R3HDML: variants seen among roughly 807,000 people sequenced by gnomAD.
The protein encoded by R3HDML is peptidase inhibitor R3HDML.
In R3HDML, 21 loss-of-function variants were observed where a neutral mutation model predicts 24.2. That is an observed-to-expected ratio of 0.87 (90% CI 0.62 to 1.25). The LOEUF is 1.25. R3HDML is among the 50% of genes most tolerant of loss of function. R3HDML has a pLI of 0.00. For missense variants in R3HDML, 301 were observed against 340.3 expected (o/e 0.88, Z 0.91); for synonymous variants, 133 against 131.5 (o/e 1.01, Z -0.08).
intron 4 of R3HDML, 151 bp downstream of exon 4, chr20:44,345,529 C>G (rs986149348): frequency 5.0e-6 from 3 of 599,684 alleles, no homozygotes; most frequent in Non-Finnish European, 8.6e-6. Context: ...TAAGGCCGAG[C>G]ATGGTGGCTC....
chr20:44,348,482 C>CTCCTTTCCTTTCCTT (rs36204291), intron 4 of R3HDML, among the ~76,000 whole-genome samples: 4,887 of 135,166 alleles, frequency 0.036, 119 homozygotes, highest in Middle Eastern at 0.044. Context: ...TTTTCCCTTT[C>CTCCTTTCCTTTCCTT]TCCTTTCCTT....
intron 4 of R3HDML, among the ~76,000 whole-genome samples, chr20:44,349,844 C>T (rs2062803546): frequency 6.6e-6 from 1 of 151,558 alleles, no homozygotes; most frequent in African/African-American, 2.4e-5. Context: ...CCAAGGTGGG[C>T]AGATCACTTG....
intron 4 of R3HDML, among the ~76,000 whole-genome samples, chr20:44,346,872 T>G (rs1199466649): frequency 2.0e-5 from 3 of 152,208 alleles, no homozygotes; most frequent in East Asian, 3.8e-4. Context: ...CCAGGAGCAG[T>G]GTCTTACACC....
rs1485892895 is a variant in R3HDML at position 44,349,942 on chromosome 20, T to G, written c.630-718T>G. On this transcript the variant is annotated intron_variant, in intron 4 of 4. Coordinates refer to ENST00000217043, the MANE Select transcript of R3HDML (RefSeq NM_178491.4). ...AAAATTAGCCAGGTGTGGTGGCACA[T>G]GCCTATAATCCCAGCTACTCAGGAG... Among the ~76,000 whole-genome samples the G allele has an allele frequency of 2.0e-5, 3 of 152,130 alleles. No individual in the cohort carries two copies. The East Asian group carries it at 5.8e-4, about 29-fold the overall frequency.
chr20:44,337,391 C>G lies in R3HDML; in HGVS notation c.234C>G (p.Tyr78Ter). The G allele has an allele frequency of 6.2e-7, 1 of 1,613,764 alleles. No homozygotes were observed. Among genetic ancestry groups the G allele is most frequent in the Non-Finnish European group, 8.5e-7 (1 of 1,179,668 alleles). Residue 78 changes from tyrosine to a stop codon, truncating the protein, a stop_gained, in exon 1 of 5, where the codon TAC (tyrosine) becomes TAG (stop). Coordinates refer to ENST00000217043, the MANE Select transcript of R3HDML (RefSeq NM_178491.4). LOFTEE classifies it high-confidence loss of function. This position sits in a 1 kb window ranked among gnomAD's most constrained non-coding sequence, Gnocchi z 4.7. ...ACAACCACATCCGGGCCAGTGTGTA[C>G]CCACCTGCCGCCAACATGGAATACA... ...DYHNHIRASVYPPAANMEYMV... is the reference protein window; with the variant it reads ...DYHNHIRASV
intron 2 of R3HDML, among the ~76,000 whole-genome samples, chr20:44,342,813 G>A (rs781053582): frequency 2.6e-5 from 4 of 152,108 alleles, no homozygotes; most frequent in African/African-American, 9.7e-5. Flanking sequence ...TTAGCCAGGC[G>A]TATGCAGGTG....
In R3HDML at chr20:44,343,367, G is replaced by A. The variant is rs1050274935; in HGVS notation, c.381-10G>A. 29 of 1,605,876 alleles carry A rather than the reference G, an allele frequency of 1.8e-5. No homozygotes were observed. Among genetic ancestry groups the A allele is most frequent in the East Asian group, 4.5e-5 (2 of 44,146 alleles). ...TCACCCAGCTTCTTCCGTGTCCCCC[G>A]CCTCCCCAGGTACCGGTCCGTAGTG... On this transcript the variant is annotated splice_polypyrimidine_tract_variant and intron_variant, in intron 2 of 4. Transcript: ENST00000217043.
chr20:44,342,883 G>A (rs2062775820), intron 2 of R3HDML, among the ~76,000 whole-genome samples: 1 of 152,116 alleles, frequency 6.6e-6, no homozygotes, highest in South Asian at 2.1e-4. Flanking sequence ...GAACCCAGAA[G>A]GCAGAAGCTG....
Position 44,351,051 on chromosome 20 carries a change from G to A in R3HDML, c.*259G>A, listed in dbSNP as rs2062810368. ...AGAGCCCTGCATCTTTCATTAATTC[G>A]GTTCTCAGAGAACCAAGGCTGGAAG... On this transcript the variant is annotated 3_prime_UTR_variant, in exon 5 of 5. Transcript: ENST00000217043. 2.6e-6 allele frequency: 1 copy of A among 386,932 alleles called. No homozygotes were observed. 24.0% of individuals were successfully genotyped at this position (386,932 alleles called of 1,614,324 possible). A position where few individuals can be genotyped will look rare whatever the true frequency, so the allele number is the denominator to read the frequency against.
In R3HDML at chr20:44,350,924, C is replaced by A; in HGVS notation, c.*132C>A. ...AATCACCCCCTGTTGAATTTTCCCT[C>A]CTAGATCCCCTTCTTAAATGTCCAA... On this transcript the variant is annotated 3_prime_UTR_variant, in exon 5 of 5. Coordinates refer to ENST00000217043, the MANE Select transcript of R3HDML (RefSeq NM_178491.4). 1.0e-6 allele frequency: 1 copy of A among 1,002,904 alleles called. No homozygotes were observed. Among genetic ancestry groups the A allele is most frequent in the Non-Finnish European group, 1.5e-6 (1 of 682,522 alleles). 62.1% of individuals were successfully genotyped at this position (1,002,904 alleles called of 1,614,324 possible).
intron 4 of R3HDML, among the ~76,000 whole-genome samples, chr20:44,349,868 G>A (rs377234852): frequency 3.9e-5 from 6 of 152,242 alleles, no homozygotes; most frequent in East Asian, 3.9e-4. Flanking sequence ...TCAGGAGTTC[G>A]AGACCAGCCT....
In R3HDML at chr20:44,345,289, G is replaced by A; in HGVS notation, c.540G>A (p.Leu180=). 1 of 1,614,078 alleles carries A rather than the reference G, an allele frequency of 6.2e-7. No individual in the cohort carries two copies. Among genetic ancestry groups the A allele is most frequent in the East Asian group, 2.2e-5 (1 of 44,878 alleles). ...TGGTGTGGGCATCCTCCAATCGGCT[G>A]GGCTGTGCCATCCACACCTGTAGTA... is the stretch of plus-strand genomic sequence containing the variant. ...TQMVWASSNR[L]GCAIHTCSSI... is the part of the protein sequence containing the mutation. The change falls in exon 4 of 5, where the codon CTG becomes CTA. Residue 180 remains leucine, a synonymous_variant. Coordinates refer to ENST00000217043, the MANE Select transcript of R3HDML (RefSeq NM_178491.4).
intron 3 of R3HDML, 29 bp from the exon 4 acceptor site, chr20:44,345,234 T>G: frequency 6.3e-7 from 1 of 1,589,842 alleles, no homozygotes; most frequent in South Asian, 1.1e-5. Context: ...GCCCTTCTCA[T>G]AGCCCCCTCT....
Position 44,339,688 on chromosome 20 carries a change from G to C in R3HDML, c.262-1508G>C, listed in dbSNP as rs953023795. Among the ~76,000 whole-genome samples the C allele has an allele frequency of 2.6e-5, 4 of 151,948 alleles. No individual in the cohort carries two copies. The East Asian group carries it at 7.7e-4, about 29-fold the overall frequency. On this transcript the variant is annotated intron_variant, in intron 1 of 4. Transcript: ENST00000217043. ...TATACAGAGGACACAAGAAGCAGTG[G>C]TGACTGCCTCTTGGGACGGTGTGCA...
chr20:44,347,638 G>A (rs2062791711), intron 4 of R3HDML: 1 of 152,062 alleles, frequency 6.6e-6, no homozygotes, highest in Non-Finnish European at 1.5e-5. Flanking sequence ...AAAAAGGGGG[G>A]AACCCTAGGA....
intron 4 of R3HDML, among the ~76,000 whole-genome samples, chr20:44,350,067 C>G (rs1412398265): frequency 6.6e-6 from 1 of 151,974 alleles, no homozygotes; most frequent in Non-Finnish European, 1.5e-5. Flanking sequence ...GAGACTCCCT[C>G]TCAGAACAAA....
rs755875221 is a variant in R3HDML at position 44,351,154 on chromosome 20, G to A, written c.*362G>A. The A allele has an allele frequency of 1.7e-4, 30 of 174,166 alleles. No individual in the cohort carries two copies. Among genetic ancestry groups the A allele is most frequent in the Admixed American group, 5.1e-4 (8 of 15,626 alleles). The allele number at this position is 174,166 out of a possible 1,614,324, so 10.8% of individuals were successfully genotyped here. ...AGTATTTTGGGAGGCTGAGGTGGGA[G>A]AATCACTTGAGTCCTGGAGTTGGAG... On this transcript the variant is annotated 3_prime_UTR_variant, in exon 5 of 5. Transcript: ENST00000217043.
chr20:44,346,121 A>G (rs890560152), intron 4 of R3HDML, among the ~76,000 whole-genome samples: 5 of 151,420 alleles, frequency 3.3e-5, no homozygotes, highest in Non-Finnish European at 7.4e-5. Context: ...CGCCTGGCCT[A>G]TTTTCTCTTC....
At chr20:44,344,064 G>A (rs1019539753) in intron 3 of R3HDML, among the ~76,000 whole-genome samples, 2 of 152,088 alleles carry the variant, frequency 1.3e-5, no homozygotes, top group Admixed American at 6.6e-5. Flanking sequence ...GGTGGATCAC[G>A]AGATCAGGAG....
Sources: gnomAD v4.1 joint callset for allele counts (sites outside exome capture counted in the v4.1 genomes callset) on GRCh38, gnomAD v4.1.1 for gene constraint, Gnocchi (gnomAD v3.1) non-coding constraint, MANE v1.5 for transcripts, NCBI Gene and HGNC (gene_info 2026-07-23, HGNC 2026-07-21) for gene names.